Variants in MYRIP observed in about 807,000 individuals in gnomAD.
MYRIP encodes rab effector MyRIP.
MYRIP carries 49 observed loss-of-function variants against 98.0 expected under a neutral mutation model. The ratio of observed to expected loss-of-function variants is 0.50; its 90% CI spans 0.40 to 0.63. MYRIP has a LOEUF of 0.63. Ranked by LOEUF, MYRIP falls within the 30% of genes least tolerant of loss-of-function variation. MYRIP has a pLI of 0.00. For missense variants in MYRIP, 1,004 were observed against 1,058.2 expected (o/e 0.95, Z 0.71); for synonymous variants, 404 against 409.5 (o/e 0.99, Z 0.16).
At chr3:39,885,730 A>C (rs541276145) in intron 1 of MYRIP, among the ~76,000 whole-genome samples, 1 of 151,394 alleles carries the variant, frequency 6.6e-6, no homozygotes, top group African/African-American at 2.4e-5. Context: ...TTCCCTTCTC[A>C]CTTCATTTGA....
In MYRIP at chr3:40,169,938, T is replaced by C; in HGVS notation, c.730-12T>C. On this transcript the variant is annotated splice_polypyrimidine_tract_variant and intron_variant, in intron 7 of 16. Coordinates refer to ENST00000302541, the MANE Select transcript of MYRIP (RefSeq NM_015460.4). Reference sequence around the variant, plus strand: ...CCAATAACTTGCCCCTTTTTTGTCCTCCCCTCCCCAGATTATACGAAAACA... The same window carrying C: ...CCAATAACTTGCCCCTTTTTTGTCCCCCCCTCCCCAGATTATACGAAAACA... The C allele has an allele frequency of 6.2e-7, 1 of 1,613,976 alleles. No homozygotes were observed. The highest frequency in any genetic ancestry group is 2.2e-5 in the East Asian group (1 of 44,876).
At chr3:40,011,497 T>C (rs1005732096) in intron 2 of MYRIP, among the ~76,000 whole-genome samples, 1 of 152,210 alleles carries the variant, frequency 6.6e-6, no homozygotes, top group Non-Finnish European at 1.5e-5. Flanking sequence ...CTTAACTTAG[T>C]ACCAACATCA....
intron 1 of MYRIP, among the ~76,000 whole-genome samples, chr3:39,897,075 A>T (rs1943628204): frequency 6.6e-6 from 1 of 152,192 alleles, no homozygotes; most frequent in South Asian, 2.1e-4. Context: ...TAGCTAAATC[A>T]ATTCAGTAAT....
intron 10 of MYRIP, among the ~76,000 whole-genome samples, chr3:40,205,393 G>A (rs958190306): frequency 3.9e-5 from 6 of 152,118 alleles, no homozygotes; most frequent in African/African-American, 1.4e-4. Flanking sequence ...AAATGCTTAT[G>A]GTTTAGCCTA....
chr3:39,918,539 T>C (rs1309408070), intron 2 of MYRIP, among the ~76,000 whole-genome samples: 3 of 152,202 alleles, frequency 2.0e-5, no homozygotes, highest in Admixed American at 1.3e-4. Flanking sequence ...AGCTGTGCCA[T>C]TGCTTCATTC....
chr3:40,144,023 C>T (rs146112051), intron 3 of MYRIP, among the ~76,000 whole-genome samples: 227 of 152,134 alleles, frequency 1.5e-3, no homozygotes, highest in Middle Eastern at 3.4e-3. Flanking sequence ...AGAACTCATC[C>T]GATGATGCAC....
chr3:39,936,568 C>G (rs532807328), intron 2 of MYRIP, among the ~76,000 whole-genome samples: 1 of 152,316 alleles, frequency 6.6e-6, no homozygotes, highest in African/African-American at 2.4e-5. Context: ...GAACATTCGC[C>G]TTGGCCTGTG....
intron 10 of MYRIP, among the ~76,000 whole-genome samples, chr3:40,203,502 A>G (rs1244046057): frequency 6.6e-6 from 1 of 151,364 alleles, no homozygotes; most frequent in Non-Finnish European, 1.5e-5. Flanking sequence ...CCAAAATGTA[A>G]GGTTATTGTA....
intron 9 of MYRIP, among the ~76,000 whole-genome samples, chr3:40,188,007 G>A (rs72856975): frequency 0.069 from 10,487 of 152,194 alleles, 1,166 homozygotes; most frequent in African/African-American, 0.24. Context: ...GACCCTGCTT[G>A]TATCAGCCCA....
Position 39,823,294 on chromosome 3 carries a change from G to A in MYRIP, c.-31+13378G>A, listed in dbSNP as rs561187702. ...CTCCCAAAGTGCTGGGATTACAGGC[G>A]TGAGCCACCGTGCCTGGTCAGATGT... On this transcript the variant is annotated intron_variant, in intron 1 of 16. Coordinates refer to ENST00000302541, the MANE Select transcript of MYRIP (RefSeq NM_015460.4). 7.1e-4 allele frequency among the ~76,000 whole-genome samples: 108 copies of A among 152,230 alleles called. No homozygotes were observed. In the South Asian group the frequency reaches 7.9e-3, roughly 11 times the overall value.
At chr3:39,811,679 G>A (rs1243862117) in intron 1 of MYRIP, among the ~76,000 whole-genome samples, 1 of 151,638 alleles carries the variant, frequency 6.6e-6, no homozygotes, top group African/African-American at 2.4e-5. Context: ...GTGTGTGTGT[G>A]TGTTGTCTCT....
intron 1 of MYRIP, among the ~76,000 whole-genome samples, chr3:39,874,571 A>G (rs987252625): frequency 2.6e-5 from 4 of 152,198 alleles, no homozygotes; most frequent in Non-Finnish European, 5.9e-5. Context: ...ATTGTGTCAA[A>G]GGCCTTTTCT....
intron 3 of MYRIP, among the ~76,000 whole-genome samples, chr3:40,073,819 T>C (rs923101281): frequency 6.6e-6 from 1 of 152,358 alleles, no homozygotes; most frequent in Non-Finnish European, 1.5e-5. Context: ...CGTGAGGTTT[T>C]CCAGAGCTTT....
rs3063826 is a variant in MYRIP at position 40,165,756 on chromosome 3, TAAA to T, written c.551-1075_551-1073del. 6.3e-3 allele frequency among the ~76,000 whole-genome samples: 907 copies of T among 144,082 alleles called. 13 individuals are homozygous for T. The highest frequency in any genetic ancestry group is 0.021 in the African/African-American group (839 of 39,652). 94.5% of individuals were successfully genotyped at this position (144,082 alleles called of 152,430 possible). A position where few individuals can be genotyped will look rare whatever the true frequency, so the allele number is the denominator to read the frequency against. ...TTTTCTCTCATTTGTTGCCATATCT[TAAA>T]AAAAAAAAAAAAAAGTTCACTAAAA... On this transcript the variant is annotated intron_variant, in intron 5 of 16. Transcript: ENST00000302541.
rs115573644 is a variant in MYRIP, at chr3:40,186,484, C to T, written c.1028-3342C>T. 6.8e-3 allele frequency among the ~76,000 whole-genome samples: 1,032 copies of T among 152,222 alleles called. 11 individuals carry two copies. Among genetic ancestry groups the T allele is most frequent in the African/African-American group, 0.024 (1,003 of 41,520 alleles). On this transcript the variant is annotated intron_variant, in intron 9 of 16. Coordinates refer to ENST00000302541, the MANE Select transcript of MYRIP (RefSeq NM_015460.4). ...CACTGTGGGTGGCTGGAGCTTGACC[C>T]CACTGGGGACTCTGGGAGCCAGTGT... is the stretch of plus-strand genomic sequence containing the variant.
intron 12 of MYRIP, among the ~76,000 whole-genome samples, chr3:40,241,273 C>T (rs892829853): frequency 1.3e-5 from 2 of 152,166 alleles, no homozygotes; most frequent in Non-Finnish European, 2.9e-5. Context: ...AGTAGACCTG[C>T]ACTACAGGGA....
chr3:40,257,156 C>G (rs2125733433), intron 16 of MYRIP, among the ~76,000 whole-genome samples: 1 of 152,180 alleles, frequency 6.6e-6, no homozygotes, highest in African/African-American at 2.4e-5. Context: ...TGAGACCTGT[C>G]TTTACAAAAA....
intron 2 of MYRIP, among the ~76,000 whole-genome samples, chr3:39,990,190 T>A (rs1344166712): frequency 6.6e-6 from 1 of 152,200 alleles, no homozygotes; most frequent in African/African-American, 2.4e-5. Flanking sequence ...AAGGACATTT[T>A]CCAGGCTGGG....
chr3:40,180,535 G>C (rs1950860727), intron 8 of MYRIP, among the ~76,000 whole-genome samples: 1 of 152,232 alleles, frequency 6.6e-6, no homozygotes, highest in South Asian at 2.1e-4. Flanking sequence ...GCAATTGGTA[G>C]ATTTCCCACA....
Sources: gnomAD v4.1 joint callset for allele counts (sites outside exome capture counted in the v4.1 genomes callset) on GRCh38, gnomAD v4.1.1 for gene constraint, MANE v1.5 for transcripts, NCBI Gene and HGNC (gene_info 2026-07-23, HGNC 2026-07-21) for gene names.